Variants in AKR1D1 observed in about 807,000 individuals in gnomAD.
AKR1D1 encodes delta(4)-3-ketosteroid 5-beta-reductase.
AKR1D1 carries 32 observed loss-of-function variants against 42.6 expected under a neutral mutation model. The observed-to-expected ratio is 0.75, with a 90% CI of 0.57 to 1.01. The LOEUF is 1.01. AKR1D1 is among the 50% of genes least tolerant of loss of function. The pLI, the probability that AKR1D1 is intolerant of heterozygous loss-of-function variation, is 0.00. For synonymous variants in AKR1D1, 123 were observed against 135.5 expected, an observed-to-expected ratio of 0.91 and a Z score of 0.64; for missense variants, 364 against 402.2, an observed-to-expected ratio of 0.91 and a Z score of 0.81.
intron 7 of AKR1D1, among the ~76,000 whole-genome samples, chr7:138,112,726 T>C (rs1019960053): frequency 6.6e-6 from 1 of 151,110 alleles, no homozygotes; most frequent in African/African-American, 2.4e-5. Flanking sequence ...TTAAAATCTA[T>C]TAATAATTAA....
chr7:138,084,256 C>CTTTTTTT (rs34809975), intron 1 of AKR1D1, among the ~76,000 whole-genome samples: 11 of 134,696 alleles, frequency 8.2e-5, no homozygotes, highest in Non-Finnish European at 1.1e-4. Context: ...TTTAATCTAG[C>CTTTTTTT]TTTTTTTTTT....
chr7:138,088,627 G>C lies in AKR1D1; in HGVS notation c.120G>C (p.Ser40=), dbSNP rs371285423. The change falls in exon 2 of 9, where the codon TCG becomes TCC. Residue 40 remains serine (S), a synonymous_variant. Coordinates refer to ENST00000242375, the MANE Select transcript of AKR1D1 (RefSeq NM_005989.4). ...KSTPKGACAT[S]VKVAIDTGYR... is the part of the protein sequence containing the mutation. ...CCCCTAAGGGAGCCTGTGCAACATC[G>C]GTGAAGGTTGCTATTGACACAGGGT... The C allele has an allele frequency of 1.2e-6, 2 of 1,614,042 alleles. No homozygotes were observed. The highest frequency in any genetic ancestry group is 2.7e-5 in the African/African-American group (2 of 74,920).
At chr7:138,110,235 CATAAAGA>C (rs1466293797) in intron 7 of AKR1D1, among the ~76,000 whole-genome samples, 2 of 151,560 alleles carry the variant, frequency 1.3e-5, no homozygotes, top group Admixed American at 6.6e-5. Context: ...ATCAATAAAG[CATAAAGA>C]ATAAAGGGAA....
chr7:138,088,857 TA>T, intron 2 of AKR1D1, 89 bp downstream of exon 2: 2 of 1,377,104 alleles, frequency 1.5e-6, no homozygotes, highest in African/African-American at 1.4e-5. Context: ...TGTGTGTGTG[TA>T]ATTGCACTCA....
intron 3 of AKR1D1, among the ~76,000 whole-genome samples, chr7:138,096,473 T>C (rs1283038565): frequency 6.6e-6 from 1 of 152,132 alleles, no homozygotes; most frequent in Non-Finnish European, 1.5e-5. Flanking sequence ...ACAATGGCAT[T>C]AATCCACGAC....
chr7:138,106,918 A>G (rs935825973), intron 6 of AKR1D1, among the ~76,000 whole-genome samples: 2 of 152,242 alleles, frequency 1.3e-5, no homozygotes, highest in African/African-American at 4.8e-5. Context: ...ATTGCCTATC[A>G]GTGCCTGATA....
intron 3 of AKR1D1, among the ~76,000 whole-genome samples, chr7:138,093,885 T>C (rs965595973): frequency 2.6e-5 from 4 of 152,212 alleles, no homozygotes; most frequent in Admixed American, 2.0e-4. Context: ...CACTAGGTGA[T>C]AGGAATTTTA....
chr7:138,108,266 C>T (rs995047938), intron 7 of AKR1D1, among the ~76,000 whole-genome samples: 4 of 152,108 alleles, frequency 2.6e-5, no homozygotes, highest in South Asian at 2.1e-4. Flanking sequence ...TCCGCTACTA[C>T]TAAAGACTAA....
At chr7:138,090,111 G>A (rs2117431053) in intron 2 of AKR1D1, among the ~76,000 whole-genome samples, 1 of 152,204 alleles carries the variant, frequency 6.6e-6, no homozygotes, top group East Asian at 1.9e-4. Flanking sequence ...CTATGCCCAG[G>A]AATGAAAAAG....
intron 5 of AKR1D1, 37 bp downstream of exon 5, chr7:138,105,466 G>A (rs529710843): frequency 1.9e-6 from 3 of 1,612,716 alleles, no homozygotes; most frequent in Non-Finnish European, 2.5e-6. Flanking sequence ...TGTGGGGAGT[G>A]GGGGCAGGAT....
intron 7 of AKR1D1, 129 bp downstream of exon 7, chr7:138,107,709 C>T: frequency 1.1e-6 from 1 of 928,230 alleles, no homozygotes; most frequent in Non-Finnish European, 1.7e-6. Flanking sequence ...CCCCTTGACC[C>T]ATGTAGCCCA....
Position 138,116,807 on chromosome 7 carries a change from G to C in AKR1D1, c.*145G>C. On this transcript the variant is annotated 3_prime_UTR_variant, in exon 9 of 9. Coordinates refer to ENST00000242375, the MANE Select transcript of AKR1D1 (RefSeq NM_005989.4). The stretch of plus-strand genomic sequence containing the variant: ...TGGAAACATGTTTAATGTTTGTGCA[G>C]TGTAAATGACTTTGACTCAGTCACA... 1.4e-6 allele frequency: 1 copy of C among 716,944 alleles called. No homozygotes were observed. The highest frequency in any genetic ancestry group is 2.7e-5 in the Admixed American group (1 of 37,138). The allele number at this position is 716,944 out of a possible 1,614,324, so 44.4% of individuals were successfully genotyped here.
intron 4 of AKR1D1, among the ~76,000 whole-genome samples, chr7:138,098,972 A>AG (rs1349436865): frequency 6.6e-6 from 1 of 152,160 alleles, no homozygotes; most frequent in Non-Finnish European, 1.5e-5. Flanking sequence ...TGAAAAACTG[A>AG]GGAAAAACAT....
chr7:138,089,634 C>T (rs528059052), intron 2 of AKR1D1, among the ~76,000 whole-genome samples: 3 of 152,152 alleles, frequency 2.0e-5, no homozygotes, highest in African/African-American at 4.8e-5. Context: ...AACTTTAATC[C>T]TTTAAATTGT....
intron 4 of AKR1D1, among the ~76,000 whole-genome samples, chr7:138,102,189 T>A (rs981931490): frequency 1.3e-5 from 2 of 152,040 alleles, no homozygotes; most frequent in Non-Finnish European, 2.9e-5. Flanking sequence ...CCAGCCTGGG[T>A]GACAGAGTGA....
Position 138,117,647 on chromosome 7 carries a change from G to A in AKR1D1, c.*985G>A, listed in dbSNP as rs1794659655. On this transcript the variant is annotated 3_prime_UTR_variant, in exon 9 of 9. Coordinates refer to ENST00000242375, the MANE Select transcript of AKR1D1 (RefSeq NM_005989.4). ...TCAAAAGAACTCTGGTAATTTTCCTGTATGTACAATTTAAAGAGTGAATAA... is the reference window on the plus strand; with the variant it reads ...TCAAAAGAACTCTGGTAATTTTCCTATATGTACAATTTAAAGAGTGAATAA... The A allele has an allele frequency of 6.6e-6, 1 of 152,176 alleles. No homozygotes were observed. The highest frequency in any genetic ancestry group is 2.4e-5 in the African/African-American group (1 of 41,426). The allele number at this position is 152,176 out of a possible 1,614,324, so 9.4% of individuals were successfully genotyped here.
Position 138,091,840 on chromosome 7 carries a change from G to T in AKR1D1, c.334G>T (p.Asp112Tyr). Residue 112 changes from aspartate to tyrosine, a missense_variant, in exon 3 of 9, where the codon GAT becomes TAT. Physicochemically the swap from Asp to Tyr is radical, Grantham distance 160. Coordinates refer to ENST00000242375, the MANE Select transcript of AKR1D1 (RefSeq NM_005989.4). ...LERTLRVLQL[D>Y]YVDLYIIEVP... is the part of the protein sequence containing the mutation. The stretch of plus-strand genomic sequence containing the variant: ...GAGGACACTCAGGGTCCTCCAGCTA[G>T]ATTATGTGGATCTTTACATCATTGA... 1 of 1,614,128 alleles carries T rather than the reference G, an allele frequency of 6.2e-7. No individual in the cohort carries two copies. The highest frequency in any genetic ancestry group is 8.5e-7 in the Non-Finnish European group (1 of 1,179,976).
At position 138,117,205 on chromosome 7, in the gene AKR1D1, C is replaced by T. The variant is rs1794651613; in HGVS notation, c.*543C>T. ...AAAAGTCTTAAAATAGAGCTAAACA[C>T]CACAGTGGTCAACAAAGCCATCATA... is the stretch of plus-strand genomic sequence containing the variant. On this transcript the variant is annotated 3_prime_UTR_variant, in exon 9 of 9. Coordinates refer to ENST00000242375, the MANE Select transcript of AKR1D1 (RefSeq NM_005989.4). 1.3e-5 allele frequency: 2 copies of T among 153,528 alleles called. No homozygotes were observed. The highest frequency in any genetic ancestry group is 6.5e-5 in the Admixed American group (1 of 15,452). The allele number at this position is 153,528 out of a possible 1,614,324, so 9.5% of individuals were successfully genotyped here. A position where few individuals can be genotyped will look rare whatever the true frequency, so the allele number is the denominator to read the frequency against.
Position 138,088,713 on chromosome 7 carries a change from G to C in AKR1D1, c.206G>C (p.Arg69Thr). The change falls in exon 2 of 9, where the codon AGG (arginine) becomes ACG (threonine). Residue 69 changes from arginine to threonine, a missense_variant. Transcript: ENST00000242375. Reference sequence around the variant, plus strand: ...GAACACGAAGTTGGGGAGGCCATCAGGGAGAAGATAGCAGAAGGAAAGGTG... The same window carrying C: ...GAACACGAAGTTGGGGAGGCCATCACGGAGAAGATAGCAGAAGGAAAGGTG... ...QNEHEVGEAI[R>T]EKIAEGKVRR... 2.5e-6 allele frequency: 4 copies of C among 1,613,374 alleles called. No individual in the cohort carries two copies. The highest frequency in any genetic ancestry group is 3.4e-6 in the Non-Finnish European group (4 of 1,179,738).
Sources: gnomAD v4.1 joint callset for allele counts (sites outside exome capture counted in the v4.1 genomes callset) on GRCh38, gnomAD v4.1.1 for gene constraint, MANE v1.5 for transcripts, NCBI Gene and HGNC (gene_info 2026-07-23, HGNC 2026-07-21) for gene names.